The following LIN54 variants were observed in gnomAD, a reference collection of about 807,000 sequenced individuals.
The protein encoded by LIN54 is lin-54 DREAM MuvB core complex component.
LIN54 carries 9 observed loss-of-function variants against 78.7 expected under a neutral mutation model. The observed-to-expected ratio is 0.11, with a 90% CI of 0.07 to 0.20. The LOEUF (loss-of-function observed/expected upper bound fraction) is 0.20, where lower values mean the gene tolerates loss of function less well. Among genes scored for constraint, LIN54 ranks in the 10% least tolerant of loss-of-function variants. The probability of loss-of-function intolerance (pLI) is 1.00; values close to 1 mark genes in which losing one functional copy is unlikely to be tolerated. For missense variants in LIN54, 573 were observed against 889.9 expected, an observed-to-expected ratio of 0.64 and a Z score of 4.53; for synonymous variants, 269 against 318.4, an observed-to-expected ratio of 0.84 and a Z score of 1.65.
chr4:83,002,033 CA>C (rs1728888763), intron 1 of LIN54, among the ~76,000 whole-genome samples: 1 of 149,530 alleles, frequency 6.7e-6, no homozygotes, highest in Admixed American at 6.7e-5. Context: ...GAGGAATTAA[CA>C]GGGGACAACT....
chr4:82,927,823 CA>C lies in LIN54; in HGVS notation c.*278del, dbSNP rs555851138. 6.6e-3 allele frequency: 2,212 copies of C among 335,786 alleles called. 45 individuals carry two copies. The highest frequency in any genetic ancestry group is 0.043 in the African/African-American group (2,019 of 47,200). The allele number at this position is 335,786 out of a possible 1,614,324, so 20.8% of individuals were successfully genotyped here. On this transcript the variant is annotated 3_prime_UTR_variant, in exon 13 of 13. Transcript: ENST00000340417. The stretch of plus-strand genomic sequence containing the variant: ...TATAAACATTTTTTGTCAAAGGTAT[CA>C]GAAAGAGAACATCTAATTCTTAAGA...
chr4:82,981,479 G>C (rs1041086605), intron 2 of LIN54, among the ~76,000 whole-genome samples: 1 of 151,872 alleles, frequency 6.6e-6, no homozygotes. Context: ...CAACTACCTA[G>C]GGGGAAAAAA....
chr4:82,974,918 G>C (rs937358703), intron 3 of LIN54, among the ~76,000 whole-genome samples: 3 of 151,584 alleles, frequency 2.0e-5, no homozygotes, highest in Admixed American at 1.3e-4. Flanking sequence ...CCGGAAGCTG[G>C]ATTGGGGAAG....
At chr4:83,005,437 G>A (rs947525127) in intron 1 of LIN54, among the ~76,000 whole-genome samples, 11 of 151,906 alleles carry the variant, frequency 7.2e-5, no homozygotes, top group African/African-American at 2.2e-4. Context: ...CAGGAGTTCC[G>A]GAACAGCCTG....
At position 82,953,005 on chromosome 4, in the gene LIN54, C is replaced by A. The variant is rs117923814; in HGVS notation, c.952-6531G>T. On this transcript the variant is annotated intron_variant, in intron 4 of 12. Coordinates refer to ENST00000340417, the MANE Select transcript of LIN54 (RefSeq NM_194282.4). The stretch of plus-strand genomic sequence containing the variant: ...TTTAATTTCTTTAGAGACAAGATGT[C>A]GCTTTGTGGCCCAGCCTGGACAGCA... 2.2e-4 allele frequency among the ~76,000 whole-genome samples: 34 copies of A among 152,298 alleles called. No individual in the cohort carries two copies. The East Asian group carries it at 6.4e-3, about 29-fold the overall frequency.
At chr4:82,931,690 TATAA>T (rs1721967373) in intron 11 of LIN54, among the ~76,000 whole-genome samples, 1 of 152,220 alleles carries the variant, frequency 6.6e-6, no homozygotes, top group Admixed American at 6.5e-5. Flanking sequence ...TTACATTTCA[TATAA>T]ATATATATTT....
In LIN54 at chr4:83,010,611, T is replaced by C. The variant is rs1729791340; in HGVS notation, c.-160A>G. On this transcript the variant is annotated 5_prime_UTR_variant, in exon 1 of 13. Coordinates refer to ENST00000340417, the MANE Select transcript of LIN54 (RefSeq NM_194282.4). ...GATAGCTCTGGCCAGCAGCTTCCTT[T>C]CCCAGTTTGTCCAAACTGGAGCGCT... 1 of 1,227,988 alleles carries C rather than the reference T, an allele frequency of 8.1e-7. No individual in the cohort carries two copies. The highest frequency in any genetic ancestry group is 1.0e-6 in the Non-Finnish European group (1 of 985,546). The allele number at this position is 1,227,988 out of a possible 1,614,324, so 76.1% of individuals were successfully genotyped here. A position where few individuals can be genotyped will look rare whatever the true frequency, so the allele number is the denominator to read the frequency against.
In LIN54 at chr4:82,924,856, G is replaced by GA. The variant is rs1721341493; in HGVS notation, c.*3245dup. 1 of 152,594 alleles carries GA rather than the reference G, an allele frequency of 6.6e-6. No individual in the cohort carries two copies. Among genetic ancestry groups the GA allele is most frequent in the Non-Finnish European group, 1.5e-5 (1 of 68,048 alleles). 9.5% of individuals were successfully genotyped at this position (152,594 alleles called of 1,614,324 possible). On this transcript the variant is annotated 3_prime_UTR_variant, in exon 13 of 13. Transcript: ENST00000340417. ...CAGAATTCCTATATAAAATGCTTAA[G>GA]AGATACAACATGATCAAAGTTATGG...
chr4:82,998,398 C>G (rs974882994), intron 1 of LIN54, among the ~76,000 whole-genome samples: 1 of 151,960 alleles, frequency 6.6e-6, no homozygotes. Context: ...CAAAAATTAG[C>G]CGGGCATGGT....
At position 82,927,626 on chromosome 4, in the gene LIN54, C is replaced by G. The variant is rs1721586914; in HGVS notation, c.*476G>C. 6.5e-6 allele frequency: 1 copy of G among 153,226 alleles called. No homozygotes were observed. Among genetic ancestry groups the G allele is most frequent in the African/African-American group, 2.4e-5 (1 of 41,534 alleles). The allele number at this position is 153,226 out of a possible 1,614,324, so 9.5% of individuals were successfully genotyped here. A position where few individuals can be genotyped will look rare whatever the true frequency, so the allele number is the denominator to read the frequency against. ...GCTGCTTTTTCTTTAAAAGATAGTC[C>G]TTTTCTAAATACAAAATGTCATTTG... is the stretch of plus-strand genomic sequence containing the variant. On this transcript the variant is annotated 3_prime_UTR_variant, in exon 13 of 13. Transcript: ENST00000340417.
chr4:82,952,939 T>G (rs920952104), intron 4 of LIN54, among the ~76,000 whole-genome samples: 1 of 152,170 alleles, frequency 6.6e-6, no homozygotes, highest in Non-Finnish European at 1.5e-5. Context: ...AGTAGAATAG[T>G]GACTTCCAGG....
chr4:82,968,996 A>G (rs1483735280), intron 4 of LIN54, among the ~76,000 whole-genome samples: 2 of 152,270 alleles, frequency 1.3e-5, no homozygotes, highest in East Asian at 1.9e-4. Flanking sequence ...GGTGATCCCA[A>G]TAAGCAGATA....
intron 5 of LIN54, chr4:82,944,699 G>A (rs1578511317): frequency 6.6e-6 from 1 of 152,066 alleles, no homozygotes; most frequent in East Asian, 1.9e-4. Context: ...ATCAGCAACA[G>A]GTAGCTCCAA....
At chr4:82,967,256 A>G (rs1725284966) in intron 4 of LIN54, among the ~76,000 whole-genome samples, 1 of 152,086 alleles carries the variant, frequency 6.6e-6, no homozygotes, top group Non-Finnish European at 1.5e-5. Context: ...AAAAAAAGGA[A>G]AAAAGAAACT....
At chr4:82,979,137 A>G (rs939119780) in intron 2 of LIN54, 131 bp from the exon 3 acceptor site, 9 of 531,176 alleles carry the variant, frequency 1.7e-5, no homozygotes, top group Non-Finnish European at 2.3e-5. Flanking sequence ...TCTGTGTGTT[A>G]ATGTTAAGAA....
At position 82,936,272 on chromosome 4, in the gene LIN54, T is replaced by C. The variant is rs764290872; in HGVS notation, c.1707+7A>G. The C allele has an allele frequency of 6.5e-7, 1 of 1,538,176 alleles. No homozygotes were observed. Among genetic ancestry groups the C allele is most frequent in the South Asian group, 1.2e-5 (1 of 85,828 alleles). ...TCTGTCAGTTAAATGAAATAAAAAA[T>C]AATCACCTTTATTGCTTTTTGCCTT... On this transcript the variant is annotated splice_region_variant and intron_variant, in intron 10 of 12. Transcript: ENST00000340417.
intron 4 of LIN54, among the ~76,000 whole-genome samples, chr4:82,960,601 G>A (rs1447323210): frequency 6.6e-6 from 1 of 151,996 alleles, no homozygotes; most frequent in Non-Finnish European, 1.5e-5. Context: ...ACCTGGCTAA[G>A]TTTTTATTTT....
At chr4:82,935,958 A>G in intron 11 of LIN54, 23 bp downstream of exon 11, 1 of 1,611,196 alleles carries the variant, frequency 6.2e-7, no homozygotes, top group Non-Finnish European at 8.5e-7. Flanking sequence ...AAAAGATATT[A>G]TTTTCCGCAC....
intron 4 of LIN54, among the ~76,000 whole-genome samples, chr4:82,955,369 A>AATAACATAACATAACATAAC (rs537329208): frequency 0.038 from 5,302 of 138,336 alleles, 141 homozygotes; most frequent in Non-Finnish European, 0.049. Context: ...ATCTCAAAAA[A>AATAACATAACATAACATAAC]ATAACATAAC....
Sources: allele counts gnomAD v4.1 joint callset (sites outside exome capture counted in the v4.1 genomes callset), GRCh38; gene constraint gnomAD v4.1.1; transcripts MANE v1.5; gene names NCBI Gene and HGNC (gene_info 2026-07-23, HGNC 2026-07-21).